The following SPDYE3 variants were observed in gnomAD, a reference collection of about 807,000 sequenced individuals.
SPDYE3 encodes the protein speedy protein E3.
In SPDYE3, 15 loss-of-function variants were observed where a neutral mutation model predicts 55.0. The observed-to-expected ratio is 0.27, with a 90% CI of 0.18 to 0.42. The LOEUF is 0.42. Among genes scored for constraint, SPDYE3 ranks in the 10% least tolerant of loss-of-function variants. The pLI is 1.00. For synonymous variants in SPDYE3, 89 were observed against 229.9 expected (o/e 0.39, Z 5.55); for missense variants, 236 against 576.7 (o/e 0.41, Z 6.05).
chr7:100,313,886 C>CAA (rs60811202), intron 5 of SPDYE3, among the ~76,000 whole-genome samples: 3 of 10,656 alleles, frequency 2.8e-4, no homozygotes, highest in African/African-American at 5.6e-4. Context: ...GACGCTGTCT[C>CAA]AAAAAAAAAA....
chr7:100,319,901 C>T (rs780486335), intron 9 of SPDYE3, 30 bp from the exon 10 acceptor site: 24 of 1,612,790 alleles, frequency 1.5e-5, no homozygotes, highest in African/African-American at 5.3e-5. Context: ...GGGGAGTCCC[C>T]GTCTTCTCAA....
intron 7 of SPDYE3, 110 bp from the exon 8 acceptor site, chr7:100,316,960 G>A (rs1737087433): frequency 6.6e-7 from 1 of 1,514,912 alleles, no homozygotes; most frequent in Admixed American, 1.7e-5. Context: ...CAATGCTGAG[G>A]TCCCTTCTCT....
rs1219381751 is a variant in SPDYE3, at chr7:100,314,596, G to A, written c.1047G>A (p.Leu349=). Residue 349 remains leucine (L), a synonymous_variant, in exon 6 of 11, where the codon TTG becomes TTA. Transcript: ENST00000332397. ...GCTGCAAAAGGAAGAGGGAGTGTTT[G>A]GATGAATCTGATGATGAGCCAGAGA... ...SLGCKRKREC[L]DESDDEPEKE... 8 of 1,410,028 alleles carry A rather than the reference G, an allele frequency of 5.7e-6. 2 individuals carry two copies. The highest frequency in any genetic ancestry group is 7.8e-6 in the Non-Finnish European group (8 of 1,031,020). The allele number at this position is 1,410,028 out of a possible 1,614,324, so 87.3% of individuals were successfully genotyped here.
In SPDYE3 at chr7:100,320,023, G is replaced by T; in HGVS notation, c.*33G>T. 6.2e-7 allele frequency: 1 copy of T among 1,605,794 alleles called. No individual in the cohort carries two copies. Among genetic ancestry groups the T allele is most frequent in the South Asian group, 1.1e-5 (1 of 90,976 alleles). On this transcript the variant is annotated 3_prime_UTR_variant, in exon 10 of 11. Coordinates refer to ENST00000332397, the MANE Select transcript of SPDYE3 (RefSeq NM_001004351.5). ...GGGACCGTGGAGGCCTGAGGTCATC[G>T]GCCTGAGAGAAGGTACATCTGCATC... is the stretch of plus-strand genomic sequence containing the variant.
intron 10 of SPDYE3, chr7:100,320,251 G>A (rs1373768264): frequency 6.9e-6 from 8 of 1,166,464 alleles, no homozygotes; most frequent in South Asian, 3.2e-5. Flanking sequence ...CTGGGAGGTC[G>A]GGGCTGCAGG....
intron 8 of SPDYE3, among the ~76,000 whole-genome samples, chr7:100,317,975 C>CAAAAA (rs1159920205): frequency 2.3e-5 from 1 of 43,834 alleles, no homozygotes; most frequent in African/African-American, 7.1e-5. Flanking sequence ...GACTCCGTCT[C>CAAAAA]AAAAAAAAAA....
intron 7 of SPDYE3, among the ~76,000 whole-genome samples, chr7:100,316,364 A>T (rs1220480852): frequency 1.3e-5 from 2 of 152,294 alleles, no homozygotes; most frequent in East Asian, 3.9e-4. Flanking sequence ...TGGCATGATC[A>T]TAGCTCACTC....
chr7:100,308,521 C>G (rs1480563749), intron 1 of SPDYE3, among the ~76,000 whole-genome samples: 2 of 151,686 alleles, frequency 1.3e-5, no homozygotes, highest in South Asian at 4.2e-4. Flanking sequence ...CCAGCCTGGC[C>G]AACATGGCGA....
rs201987176 is a variant in SPDYE3, at chr7:100,311,883, G to A, written c.678G>A (p.Thr226=). The change falls in exon 4 of 11, where the codon ACG becomes ACA. Residue 226 remains threonine (T), a synonymous_variant. Coordinates refer to ENST00000332397, the MANE Select transcript of SPDYE3 (RefSeq NM_001004351.5). ...CTGAGGAGACCTGGGTGGCAGAGAC[G>A]CTGTGTGGCCTCAAGATGAAGGCGA... ...PEPEETWVAE[T]LCGLKMKAKR... 3.3e-6 allele frequency: 5 copies of A among 1,503,732 alleles called. 1 individual carries two copies. In the South Asian group the frequency reaches 4.6e-5, roughly 14 times the overall value. The allele number at this position is 1,503,732 out of a possible 1,614,324, so 93.1% of individuals were successfully genotyped here.
At chr7:100,320,839 C>T in intron 10 of SPDYE3, 52 bp from the exon 11 acceptor site, 1 of 1,154,638 alleles carries the variant, frequency 8.7e-7, no homozygotes, top group Non-Finnish European at 1.2e-6. Flanking sequence ...AATAACCTTC[C>T]TGTCTAGAGA....
chr7:100,315,859 A>G lies in SPDYE3; in HGVS notation c.1260+16A>G, dbSNP rs367791176. The stretch of plus-strand genomic sequence containing the variant: ...GTCAGACAAGGTAAGGTTGTTCTCT[A>G]TGTAACTGTGTTCCTGTTCTAACGC... On this transcript the variant is annotated intron_variant, in intron 7 of 10. Transcript: ENST00000332397. 12 of 1,599,716 alleles carry G rather than the reference A, an allele frequency of 7.5e-6. No individual in the cohort carries two copies. The highest frequency in any genetic ancestry group is 1.0e-5 in the Non-Finnish European group (12 of 1,179,672).
chr7:100,315,962 T>C, intron 7 of SPDYE3, 119 bp downstream of exon 7: 2 of 1,465,114 alleles, frequency 1.4e-6, no homozygotes, highest in Non-Finnish European at 1.9e-6. Flanking sequence ...CTACAGTTTT[T>C]TTTGTTTTTG....
At position 100,307,979 on chromosome 7, in the gene SPDYE3, T is replaced by A. The variant is rs749555135; in HGVS notation, c.94T>A (p.Ser32Thr). ...PLQEVVDDEV[S>T]GPSAPGVDPS... ...CCAGGAGGTGGTGGATGATGAAGTGTCGGGACCATCAGGTGAGGGGACTGG... is the reference window on the plus strand; with the variant it reads ...CCAGGAGGTGGTGGATGATGAAGTGACGGGACCATCAGGTGAGGGGACTGG... The change falls in exon 1 of 11, where the codon TCG becomes ACG. Residue 32 changes from serine (S) to threonine (T), a missense_variant. Coordinates refer to ENST00000332397, the MANE Select transcript of SPDYE3 (RefSeq NM_001004351.5). The A allele has an allele frequency of 1.3e-6, 2 of 1,556,498 alleles. No homozygotes were observed. Among genetic ancestry groups the A allele is most frequent in the Non-Finnish European group, 1.7e-6 (2 of 1,159,114 alleles).
intron 10 of SPDYE3, 97 bp downstream of exon 10, chr7:100,320,132 C>A (rs994674971): frequency 6.5e-7 from 1 of 1,550,222 alleles, no homozygotes; most frequent in Non-Finnish European, 8.7e-7. Flanking sequence ...GCCTCGGCAA[C>A]GTGGCGAGAT....
At chr7:100,316,391 G>C (rs1011844097) in intron 7 of SPDYE3, among the ~76,000 whole-genome samples, 1 of 152,150 alleles carries the variant, frequency 6.6e-6, no homozygotes, top group African/African-American at 2.4e-5. Context: ...CTGGGCTCAA[G>C]CAATCCTCTT....
At chr7:100,315,935 C>T in intron 7 of SPDYE3, 92 bp downstream of exon 7, 1 of 1,570,378 alleles carries the variant, frequency 6.4e-7, no homozygotes, top group Non-Finnish European at 8.7e-7. Flanking sequence ...CCCTCCACCA[C>T]CTCCCACCAG....
At chr7:100,319,442 C>G (rs1789520738) in intron 8 of SPDYE3, 123 bp from the exon 9 acceptor site, 1 of 1,519,978 alleles carries the variant, frequency 6.6e-7, no homozygotes, top group Admixed American at 1.9e-5. Context: ...GCGTGGCTCT[C>G]TGCAGGGTGG....
At chr7:100,320,275 GC>G in intron 10 of SPDYE3, 1 of 1,091,382 alleles carries the variant, frequency 9.2e-7, no homozygotes, top group Non-Finnish European at 1.2e-6. Flanking sequence ...CCCTGATCCT[GC>G]CACTGCACTC....
rs541648502 is a variant in SPDYE3, at chr7:100,319,097, A to C, written c.1347-468A>C. Among the ~76,000 whole-genome samples the C allele has an allele frequency of 6.3e-4, 95 of 151,954 alleles. 1 individual carries two copies. The highest frequency in any genetic ancestry group is 6.2e-3 in the Admixed American group (95 of 15,228). On this transcript the variant is annotated intron_variant, in intron 8 of 10. Transcript: ENST00000332397. ...GGCTGATTTTTGTATTTTTAGCATA[A>C]ATGGGGTTTCTCTGTGTTGGCCAGG...
Sources: gnomAD v4.1 joint callset for allele counts (sites outside exome capture counted in the v4.1 genomes callset) on GRCh38, gnomAD v4.1.1 for gene constraint, MANE v1.5 for transcripts, NCBI Gene and HGNC (gene_info 2026-07-23, HGNC 2026-07-21) for gene names.